Variants in ERBB2 observed in about 807,000 individuals in gnomAD.
ERBB2 encodes receptor tyrosine-protein kinase erbB-2.
ERBB2 carries 61 observed loss-of-function variants against 149.0 expected under a neutral mutation model. That is an observed-to-expected ratio of 0.41 (90% confidence interval 0.33 to 0.51). The LOEUF (loss-of-function observed/expected upper bound fraction) is 0.51. ERBB2 is among the 20% of genes least tolerant of loss of function. ERBB2 has a pLI of 0.25. For synonymous variants in ERBB2, 633 were observed against 678.8 expected, an observed-to-expected ratio of 0.93 and a Z score of 1.05; for missense variants, 1,205 against 1,655.1, an observed-to-expected ratio of 0.73 and a Z score of 4.72.
At position 39,728,535 on chromosome 17, in the gene ERBB2, T is replaced by C. The variant is rs2059899616; in HGVS notation, c.*491T>C. 1 of 235,266 alleles carries C rather than the reference T, an allele frequency of 4.3e-6. No homozygotes were observed. Among genetic ancestry groups the C allele is most frequent in the African/African-American group, 2.2e-5 (1 of 45,406 alleles). 14.6% of individuals were successfully genotyped at this position (235,266 alleles called of 1,614,324 possible). Reference sequence around the variant, plus strand: ...TTTTCTGTTTAGTTTTTACTTTTTTTGTTTTGTTTTTTTAAAGATGAAATA... The same window carrying C: ...TTTTCTGTTTAGTTTTTACTTTTTTCGTTTTGTTTTTTTAAAGATGAAATA... On this transcript the variant is annotated 3_prime_UTR_variant, in exon 27 of 27. Transcript: ENST00000269571.
upstream of ERBB2, among the ~76,000 whole-genome samples, chr17:39,694,150 T>C (rs1254857461): frequency 8.2e-6 from 1 of 122,142 alleles, no homozygotes; most frequent in Admixed American, 9.7e-5. Context: ...GCCGACATCA[T>C]GCCACTGCGC....
upstream of ERBB2, among the ~76,000 whole-genome samples, chr17:39,698,304 G>C (rs1259246847): frequency 6.7e-6 from 1 of 150,264 alleles, no homozygotes; most frequent in African/African-American, 2.5e-5. Flanking sequence ...CTGTCTCCCA[G>C]GCTGGAGTGC....
chr17:39,727,724 C>T lies in ERBB2; in HGVS notation c.3448C>T (p.Pro1150Ser), dbSNP rs562773948. 1.3e-6 allele frequency: 2 copies of T among 1,573,796 alleles called. No individual in the cohort carries two copies. Among genetic ancestry groups the T allele is most frequent in the East Asian group, 2.2e-5 (1 of 44,548 alleles). The change falls in exon 27 of 27, where the codon CCT becomes TCT. Residue 1150 changes from proline to serine, a missense_variant. By Grantham distance (74) the Pro-to-Ser change is moderately conservative. This residue lies in a region of ERBB2 where 312 missense variants were observed against 343.8 expected (regional missense o/e 0.91). Coordinates refer to ENST00000269571, the MANE Select transcript of ERBB2 (RefSeq NM_004448.4). The surrounding 1 kb of genome is among the most constrained non-coding windows in gnomAD (Gnocchi z 4.3). ...CCAGCCAGATGTTCGGCCCCAGCCC[C>T]CTTCGCCCCGAGAGGGCCCTCTGCC... ...VNQPDVRPQP[P>S]SPREGPLPAA... is the part of the protein sequence containing the mutation.
intron 19 of ERBB2, 43 bp downstream of exon 19, chr17:39,724,053 C>A (rs2145830026): frequency 7.0e-7 from 1 of 1,428,156 alleles, no homozygotes; most frequent in Non-Finnish European, 9.8e-7. Flanking sequence ...CAGGAAGGAC[C>A]CCATGGCTGC....
At chr17:39,691,556 A>AAAAAAAAAAAAAAATATATAT (rs573116217), upstream of ERBB2, among the ~76,000 whole-genome samples, 6 of 84,200 alleles carry the variant, frequency 7.1e-5, no homozygotes, top group African/African-American at 3.0e-4. Context: ...TAAAAAAAAA[A>AAAAAAAAAAAAAAATATATAT]ATATATATAT....
At chr17:39,707,404 A>G (rs1276687493) in intron 2 of ERBB2, 2 of 375,016 alleles carry the variant, frequency 5.3e-6, no homozygotes, top group African/African-American at 4.2e-5. Flanking sequence ...TCTTGCCAGC[A>G]TGATCATGTC....
exon 2 of ERBB2, chr17:39,688,743 G>T (rs1012953899): frequency 1.3e-5 from 2 of 152,332 alleles, no homozygotes; most frequent in Non-Finnish European, 2.9e-5. Context: ...CCCCATGCGG[G>T]GTAGAACCTT....
rs2143151910 is a variant in ERBB2 at position 39,726,710 on chromosome 17, G to A, written c.2970+51G>A. 1 of 1,583,308 alleles carries A rather than the reference G, an allele frequency of 6.3e-7. No homozygotes were observed. The highest frequency in any genetic ancestry group is 8.7e-7 in the Non-Finnish European group (1 of 1,151,910). On this transcript the variant is annotated intron_variant, in intron 24 of 26. Transcript: ENST00000269571. The surrounding 1 kb of genome is among the most constrained non-coding windows in gnomAD (Gnocchi z 5.1). ...TGCCTGTGGCTAAGAGCACCCTCCT[G>A]CAGAGGGTGGGAAGGAGAGATGAGT...
rs2143035250 is a variant in ERBB2, at chr17:39,725,470, A to G, written c.2725+68A>G. 6.6e-7 allele frequency: 1 copy of G among 1,512,792 alleles called. No individual in the cohort carries two copies. Among genetic ancestry groups the G allele is most frequent in the Non-Finnish European group, 9.2e-7 (1 of 1,092,060 alleles). 93.7% of individuals were successfully genotyped at this position (1,512,792 alleles called of 1,614,324 possible). On this transcript the variant is annotated intron_variant, in intron 22 of 26. Coordinates refer to ENST00000269571, the MANE Select transcript of ERBB2 (RefSeq NM_004448.4). The surrounding 1 kb of genome is among the most constrained non-coding windows in gnomAD (Gnocchi z 4.6). ...GGCTGGAGGGAGGATGAGAGCTGGG[A>G]TGGGGAGAATTACGGGGCCACCTCA...
chr17:39,692,199 G>GTGTGT (rs555493200), upstream of ERBB2, among the ~76,000 whole-genome samples: 51 of 151,898 alleles, frequency 3.4e-4, 1 homozygote, highest in South Asian at 9.8e-3. Flanking sequence ...AACAAAATAT[G>GTGTGT]TGTGTGTGTA....
At position 39,725,481 on chromosome 17, in the gene ERBB2, T is replaced by G; in HGVS notation, c.2725+79T>G. 2 of 1,450,946 alleles carry G rather than the reference T, an allele frequency of 1.4e-6. No individual in the cohort carries two copies. The highest frequency in any genetic ancestry group is 1.9e-6 in the Non-Finnish European group (2 of 1,039,692). 89.9% of individuals were successfully genotyped at this position (1,450,946 alleles called of 1,614,324 possible). A position where few individuals can be genotyped will look rare whatever the true frequency, so the allele number is the denominator to read the frequency against. ...GGATGAGAGCTGGGATGGGGAGAAT[T>G]ACGGGGCCACCTCAGCATGTGAAGG... On this transcript the variant is annotated intron_variant, in intron 22 of 26. Coordinates refer to ENST00000269571, the MANE Select transcript of ERBB2 (RefSeq NM_004448.4). This position sits in a 1 kb window ranked among gnomAD's most constrained non-coding sequence, Gnocchi z 4.6.
At position 39,726,259 on chromosome 17, in the gene ERBB2, C is replaced by T; in HGVS notation, c.2873-303C>T. 2.2e-6 allele frequency: 1 copy of T among 449,168 alleles called. No homozygotes were observed. The highest frequency in any genetic ancestry group is 4.0e-6 in the Non-Finnish European group (1 of 247,666). 27.8% of individuals were successfully genotyped at this position (449,168 alleles called of 1,614,324 possible). The stretch of plus-strand genomic sequence containing the variant: ...GCTGAGGCAGGAAGATCACTTGAGC[C>T]TAGTTTAAGGTTGCAGTAAGCTATG... On this transcript the variant is annotated intron_variant, in intron 23 of 26. Transcript: ENST00000269571. The surrounding 1 kb of genome is among the most constrained non-coding windows in gnomAD (Gnocchi z 5.1).
In ERBB2 at chr17:39,716,604, C is replaced by A. The variant is rs756686824; in HGVS notation, c.1736C>A (p.Pro579Gln). The A allele has an allele frequency of 6.2e-7, 1 of 1,613,812 alleles. No homozygotes were observed. The highest frequency in any genetic ancestry group is 8.5e-7 in the Non-Finnish European group (1 of 1,179,872). Residue 579 changes from proline to glutamine, a missense_variant and splice_region_variant, in exon 14 of 27, where the codon CCG becomes CAG. Coordinates refer to ENST00000269571, the MANE Select transcript of ERBB2 (RefSeq NM_004448.4). ...PQNGSVTCFG[P>Q]EADQCVACAH... ...AATGGCTCAGTGACCTGTTTTGGAC[C>A]GGTGAGCTGCTGGCGGGCTCAGAGC...
Position 39,713,516 on chromosome 17 carries a change from C to T in ERBB2, c.1148+1068C>T, listed in dbSNP as rs113328199. ...CTGTAATCCCAGCACTTTGGGAGGCCGAGGCAGGCAGATCACTTGAGGTCA... is the reference window on the plus strand; with the variant it reads ...CTGTAATCCCAGCACTTTGGGAGGCTGAGGCAGGCAGATCACTTGAGGTCA... On this transcript the variant is annotated intron_variant, in intron 9 of 26. Coordinates refer to ENST00000269571, the MANE Select transcript of ERBB2 (RefSeq NM_004448.4). Among the ~76,000 whole-genome samples the T allele has an allele frequency of 4.2e-3, 615 of 146,972 alleles. 2 individuals carry two copies. The highest frequency in any genetic ancestry group is 0.015 in the African/African-American group (586 of 39,934).
At position 39,717,476 on chromosome 17, in the gene ERBB2, C is replaced by T. The variant is rs778312796; in HGVS notation, c.1894C>T (p.His632Tyr). ...ACQPCPINCT[H>Y]SCVDLDDKGC... is the part of the protein sequence containing the mutation. ...CCAGCCTTGCCCCATCAACTGCACC[C>T]ACTCGTGAGTCCAACGGTCTTTTCT... The change falls in exon 15 of 27, where the codon CAC (histidine) becomes TAC (tyrosine). Residue 632 changes from histidine to tyrosine, a missense_variant. Around this residue, in one of 6 missense-constraint regions of ERBB2, gnomAD observed 569 missense variants for 803.5 expected, o/e 0.71. Transcript: ENST00000269571. 3 of 1,611,770 alleles carry T rather than the reference C, an allele frequency of 1.9e-6. No homozygotes were observed. The highest frequency in any genetic ancestry group is 1.7e-6 in the Non-Finnish European group (2 of 1,178,776).
At chr17:39,711,668 G>A (rs1004288172) in intron 7 of ERBB2, among the ~76,000 whole-genome samples, 3 of 152,264 alleles carry the variant, frequency 2.0e-5, no homozygotes, top group East Asian at 1.9e-4. Context: ...TCAAATCCTC[G>A]CTCCTCCACT....
At chr17:39,699,985 C>G, upstream of ERBB2, 3 of 1,264,516 alleles carry the variant, frequency 2.4e-6, no homozygotes, top group Non-Finnish European at 3.0e-6. Context: ...CGCGCTTGCT[C>G]CCAATCACAG....
At chr17:39,712,297 T>TCCCCCCCCCC in intron 8 of ERBB2, 25 bp from the exon 9 acceptor site, 1 of 1,610,854 alleles carries the variant, frequency 6.2e-7, no homozygotes, top group Non-Finnish European at 8.5e-7. Context: ...GACGGCCCCT[T>TCCCCCCCCCC]CCCCACCCAC....
rs1350776870 is a variant in ERBB2, at chr17:39,727,969, G to A, written c.3693G>A (p.Gly1231=). 6.2e-7 allele frequency: 1 copy of A among 1,613,724 alleles called. No individual in the cohort carries two copies. Among genetic ancestry groups the A allele is most frequent in the Non-Finnish European group, 8.5e-7 (1 of 1,179,990 alleles). The part of the protein sequence containing the change: ...YYWDQDPPER[G]APPSTFKGTP... ...GGGACCAGGACCCACCAGAGCGGGG[G>A]GCTCCACCCAGCACCTTCAAAGGGA... Residue 1231 remains glycine (G), a synonymous_variant, in exon 27 of 27, where the codon GGG becomes GGA. Transcript: ENST00000269571. The surrounding 1 kb of genome is among the most constrained non-coding windows in gnomAD (Gnocchi z 4.3).
Sources: allele counts gnomAD v4.1 joint callset (sites outside exome capture counted in the v4.1 genomes callset), GRCh38; gene constraint gnomAD v4.1.1; regional missense constraint gnomAD v4.1.1; non-coding constraint Gnocchi (gnomAD v3.1); transcripts MANE v1.5; gene names NCBI Gene and HGNC (gene_info 2026-07-23, HGNC 2026-07-21).